ANXA2: variants seen among roughly 807,000 people sequenced by gnomAD.
The protein encoded by ANXA2 is annexin A2.
ANXA2 carries 28 observed loss-of-function variants against 47.3 expected under a neutral mutation model. The ratio of observed to expected loss-of-function variants is 0.59; its 90% CI spans 0.44 to 0.81. The LOEUF is 0.81. Ranked by LOEUF, ANXA2 falls within the 40% of genes least tolerant of loss-of-function variation. The pLI is 0.00. For synonymous variants in ANXA2, 172 were observed against 155.5 expected (o/e 1.11, Z -0.79); for missense variants, 384 against 414.3 (o/e 0.93, Z 0.64).
intron 3 of ANXA2, 70 bp downstream of exon 3, chr15:60,382,272 G>T: frequency 8.3e-7 from 1 of 1,204,212 alleles, no homozygotes; most frequent in Non-Finnish European, 1.2e-6. Flanking sequence ...GCGATTTGAG[G>T]GAGAATAAAG....
intron 1 of ANXA2, among the ~76,000 whole-genome samples, chr15:60,392,030 C>A (rs1010973194): frequency 6.6e-6 from 1 of 152,064 alleles, no homozygotes; most frequent in African/African-American, 2.4e-5. Flanking sequence ...TATCAGAGAA[C>A]GTTTTTCTGT....
In ANXA2 at chr15:60,351,208, C is replaced by T. The variant is rs1595660469; in HGVS notation, c.822G>A (p.Leu274=). The T allele has an allele frequency of 6.2e-7, 1 of 1,614,196 alleles. No homozygotes were observed. Residue 274 remains leucine, a synonymous_variant, in exon 11 of 13, where the codon CTG becomes CTA. Transcript: ENST00000451270. ...CTGCCCTTACCTTCATGGAGTCATA[C>T]AGCCGATCAGCAAAATACAGGGGCT... ...QNKPLYFADR[L]YDSMKGKGTR...
At chr15:60,393,786 C>T (rs1468159507) in intron 1 of ANXA2, 1 of 788,974 alleles carries the variant, frequency 1.3e-6, no homozygotes, top group Non-Finnish European at 1.5e-6. Context: ...TATTATCCGC[C>T]CACAGGGTTT....
chr15:60,390,822 T>C (rs1220549046), intron 1 of ANXA2: 1 of 156,610 alleles, frequency 6.4e-6, no homozygotes, highest in Non-Finnish European at 1.4e-5. Flanking sequence ...TCATTTTGCA[T>C]ATGATCTATT....
At chr15:60,354,085 A>G in intron 8 of ANXA2, 69 bp downstream of exon 8, 1 of 1,274,054 alleles carries the variant, frequency 7.8e-7, no homozygotes, top group Non-Finnish European at 1.1e-6. Context: ...CACAGAGTTA[A>G]ATTACTATAT....
At chr15:60,366,021 G>A (rs1377779606) in intron 3 of ANXA2, among the ~76,000 whole-genome samples, 2 of 133,918 alleles carry the variant, frequency 1.5e-5, no homozygotes, top group South Asian at 2.5e-4. Flanking sequence ...ACTGGTTTTC[G>A]TTTTTTTTTG....
chr15:60,349,708 CAGAG>C (rs1326116879), intron 11 of ANXA2, among the ~76,000 whole-genome samples: 1 of 124,528 alleles, frequency 8.0e-6, no homozygotes, highest in Non-Finnish European at 1.7e-5. Context: ...AAAGGAAAGA[CAGAG>C]AGAGAGAGGG....
At chr15:60,388,507 T>C (rs1365402768) in intron 1 of ANXA2, among the ~76,000 whole-genome samples, 1 of 151,942 alleles carries the variant, frequency 6.6e-6, no homozygotes, top group Non-Finnish European at 1.5e-5. Flanking sequence ...ATAATTTATA[T>C]ATTGATCATA....
At chr15:60,376,835 C>G (rs527566943) in intron 3 of ANXA2, among the ~76,000 whole-genome samples, 1 of 152,368 alleles carries the variant, frequency 6.6e-6, no homozygotes, top group Admixed American at 6.5e-5. Context: ...GTGTACTCGA[C>G]AGCAGCTGAT....
At chr15:60,374,323 G>A (rs909104757) in intron 3 of ANXA2, 43 of 374,192 alleles carry the variant, frequency 1.1e-4, no homozygotes, top group Non-Finnish European at 1.9e-4. Context: ...AAATCAAATC[G>A]TCAGTGAAGG....
At chr15:60,360,603 GTTT>G (rs142774008) in intron 5 of ANXA2, among the ~76,000 whole-genome samples, 3 of 151,612 alleles carry the variant, frequency 2.0e-5, no homozygotes, top group Admixed American at 6.6e-5. Flanking sequence ...AAAGCTATGA[GTTT>G]TTTTTTCTTG....
At chr15:60,377,309 CTTCA>C (rs2062794126) in intron 3 of ANXA2, among the ~76,000 whole-genome samples, 1 of 152,168 alleles carries the variant, frequency 6.6e-6, no homozygotes, top group South Asian at 2.1e-4. Flanking sequence ...CAACTAATGA[CTTCA>C]TTTTTGTTTT....
Position 60,361,046 on chromosome 15 carries a change from T to G in ANXA2, c.252A>C (p.Ala84=). 6.2e-7 allele frequency: 1 copy of G among 1,609,898 alleles called. No homozygotes were observed. The highest frequency in any genetic ancestry group is 8.5e-7 in the Non-Finnish European group (1 of 1,176,084). ...CAGATAAGGCTGACTTCAGTGCTGA[T>G]GCAAGTTCCTTCAAGATAACAGGCA... The part of the protein sequence containing the change: ...AYQRRTKKEL[A]SALKSALSGH... The change falls in exon 5 of 13, where the codon GCA becomes GCC. Residue 84 remains alanine, a synonymous_variant. Transcript: ENST00000451270.
chr15:60,367,373 C>T (rs1183812970), intron 3 of ANXA2, among the ~76,000 whole-genome samples: 1 of 98,664 alleles, frequency 1.0e-5, no homozygotes, highest in Admixed American at 9.7e-5. Flanking sequence ...CCCGGCCAGC[C>T]GCCCGGTCCG....
At chr15:60,382,830 T>C (rs2140912517) in intron 2 of ANXA2, 1 of 158,688 alleles carries the variant, frequency 6.3e-6, no homozygotes, top group East Asian at 1.8e-4. Flanking sequence ...AGGACAAGGG[T>C]GTTTAGCTAA....
chr15:60,361,696 C>G (rs1187749032), intron 4 of ANXA2, among the ~76,000 whole-genome samples: 1 of 152,140 alleles, frequency 6.6e-6, no homozygotes, highest in Non-Finnish European at 1.5e-5. Context: ...GAACTGGCCC[C>G]CTTGAATTCC....
intron 1 of ANXA2, among the ~76,000 whole-genome samples, chr15:60,397,665 G>A (rs1339326759): frequency 1.7e-5 from 2 of 119,802 alleles, no homozygotes; most frequent in Admixed American, 1.7e-4. Flanking sequence ...CCCCGCTCCC[G>A]CTAGGGCTTC....
chr15:60,381,206 G>A (rs1052331144), intron 3 of ANXA2, among the ~76,000 whole-genome samples: 3 of 152,268 alleles, frequency 2.0e-5, no homozygotes, highest in South Asian at 2.1e-4. Context: ...TCAACGAACC[G>A]TATGTGAACT....
intron 11 of ANXA2, among the ~76,000 whole-genome samples, chr15:60,350,603 G>C (rs1368320559): frequency 6.6e-6 from 1 of 152,148 alleles, no homozygotes; most frequent in African/African-American, 2.4e-5. Context: ...AAAACACATG[G>C]CACACTTGAG....
Sources: gnomAD v4.1 joint callset for allele counts (sites outside exome capture counted in the v4.1 genomes callset) on GRCh38, gnomAD v4.1.1 for gene constraint, MANE v1.5 for transcripts, NCBI Gene and HGNC (gene_info 2026-07-23, HGNC 2026-07-21) for gene names.